ARL15: variants seen among roughly 807,000 people sequenced by gnomAD.
The protein encoded by ARL15 is ARF like GTPase 15, also known as ADP-ribosylation factor-like protein 15.
ARL15 carries 19 observed loss-of-function variants against 25.2 expected under a neutral mutation model. The ratio of observed to expected loss-of-function variants is 0.75; its 90% confidence interval spans 0.53 to 1.10. The LOEUF is 1.10. ARL15 is among the 50% of genes least tolerant of loss of function. The pLI, the probability that ARL15 is intolerant of heterozygous loss-of-function variation, is 0.00. For synonymous variants in ARL15, 94 were observed against 86.8 expected, an observed-to-expected ratio of 1.08 and a Z score of -0.46; for missense variants, 220 against 246.0, an observed-to-expected ratio of 0.89 and a Z score of 0.71.
intron 4 of ARL15, among the ~76,000 whole-genome samples, chr5:54,085,587 T>G (rs1315944232): frequency 6.6e-6 from 1 of 152,194 alleles, no homozygotes; most frequent in Non-Finnish European, 1.5e-5. Flanking sequence ...ACAAATATTT[T>G]TATTAGTATT....
intron 4 of ARL15, 36 bp from the exon 5 acceptor site, chr5:53,886,749 A>T: frequency 1.3e-5 from 20 of 1,500,748 alleles, no homozygotes; most frequent in Non-Finnish European, 1.7e-5. Flanking sequence ...TAGGTTATTA[A>T]TTATATCAGA....
chr5:54,024,204 G>C (rs1749705297), intron 4 of ARL15, among the ~76,000 whole-genome samples: 1 of 152,196 alleles, frequency 6.6e-6, no homozygotes, highest in Non-Finnish European at 1.5e-5. Context: ...TGGCTTGGTT[G>C]TTGTACTATA....
chr5:54,011,222 G>C (rs1229656351), intron 4 of ARL15, among the ~76,000 whole-genome samples: 2 of 116,598 alleles, frequency 1.7e-5, no homozygotes, highest in Non-Finnish European at 3.5e-5. Context: ...AATATATACT[G>C]TGAATATCCA....
intron 4 of ARL15, among the ~76,000 whole-genome samples, chr5:54,004,585 G>T (rs566167183): frequency 6.6e-6 from 1 of 152,022 alleles, no homozygotes; most frequent in Non-Finnish European, 1.5e-5. Context: ...CAGTGGCTTC[G>T]GTGGCAGATC....
At chr5:54,052,117 T>A (rs181960453) in intron 4 of ARL15, among the ~76,000 whole-genome samples, 217 of 152,252 alleles carry the variant, frequency 1.4e-3, no homozygotes, top group Non-Finnish European at 2.2e-4. Context: ...GTGGATGCCA[T>A]GGGTTCAGAG....
Position 54,221,825 on chromosome 5 carries a change from G to GCACACACGCACACACA in ARL15, c.49-49898_49-49897insTGTGTGTGCGTGTGTG, listed in dbSNP as rs1756380684. Reference sequence around the variant, plus strand: ...TTTTAGGTTATTTGGCAAGAAACATGCACACACACACACACACACACACAC... The same window carrying GCACACACGCACACACA: ...TTTTAGGTTATTTGGCAAGAAACATGCACACACGCACACACACACACACACACACACACACACACAC... On this transcript the variant is annotated intron_variant, in intron 1 of 4. Coordinates refer to ENST00000504924, the MANE Select transcript of ARL15 (RefSeq NM_019087.3). Among the ~76,000 whole-genome samples, 4 of 142,020 alleles carry GCACACACGCACACACA rather than the reference G, an allele frequency of 2.8e-5. No individual in the cohort carries two copies. The Admixed American group carries it at 2.8e-4, about 10-fold the overall frequency. The allele number at this position is 142,020 out of a possible 152,430, so 93.2% of individuals were successfully genotyped here. A position where few individuals can be genotyped will look rare whatever the true frequency, so the allele number is the denominator to read the frequency against.
At chr5:54,074,471 A>G (rs1207094202) in intron 4 of ARL15, among the ~76,000 whole-genome samples, 1 of 147,986 alleles carries the variant, frequency 6.8e-6, no homozygotes, top group Non-Finnish European at 1.5e-5. Flanking sequence ...GAGAAGAAGG[A>G]AGAAGAATAA....
At chr5:54,181,185 T>G (rs1326463753) in intron 1 of ARL15, among the ~76,000 whole-genome samples, 2 of 152,194 alleles carry the variant, frequency 1.3e-5, no homozygotes, top group Non-Finnish European at 2.9e-5. Flanking sequence ...ATTTTTTTCT[T>G]TTACTAGGAA....
At chr5:54,271,011 G>C (rs1421828334) in intron 1 of ARL15, among the ~76,000 whole-genome samples, 3 of 152,180 alleles carry the variant, frequency 2.0e-5, no homozygotes, top group Admixed American at 6.5e-5. Flanking sequence ...CTCATCCCCT[G>C]CCTTGGACAA....
chr5:54,298,486 C>T (rs762574489), intron 1 of ARL15, among the ~76,000 whole-genome samples: 5 of 152,156 alleles, frequency 3.3e-5, no homozygotes, highest in African/African-American at 7.2e-5. Flanking sequence ...AATGACCTCA[C>T]GTTCTACTGC....
intron 1 of ARL15, among the ~76,000 whole-genome samples, chr5:54,187,725 C>T (rs1260721103): frequency 6.6e-6 from 1 of 152,208 alleles, no homozygotes; most frequent in African/African-American, 2.4e-5. Context: ...TACATTATTA[C>T]ATGTAAGAAG....
chr5:54,244,475 G>T (rs565011688), intron 1 of ARL15, among the ~76,000 whole-genome samples: 1 of 152,006 alleles, frequency 6.6e-6, no homozygotes, highest in Admixed American at 6.6e-5. Flanking sequence ...CCTAAAACAC[G>T]GGAAGGAATT....
intron 1 of ARL15, among the ~76,000 whole-genome samples, chr5:54,209,264 A>C (rs1579913139): frequency 6.6e-6 from 1 of 152,210 alleles, no homozygotes; most frequent in East Asian, 1.9e-4. Context: ...CAATGCCTAA[A>C]CCTGAAAAAT....
intron 1 of ARL15, chr5:54,286,297 T>C (rs1758179147): frequency 6.6e-6 from 1 of 152,188 alleles, no homozygotes; most frequent in South Asian, 2.1e-4. Flanking sequence ...CTCAACATTT[T>C]CTAAAAATGT....
intron 4 of ARL15, among the ~76,000 whole-genome samples, chr5:54,061,016 G>A (rs770546177): frequency 6.6e-6 from 1 of 152,170 alleles, no homozygotes; most frequent in African/African-American, 2.4e-5. Context: ...AAGTAATGAG[G>A]AGCCAAATGT....
intron 1 of ARL15, among the ~76,000 whole-genome samples, chr5:54,209,890 T>C (rs1755987587): frequency 6.6e-6 from 1 of 152,206 alleles, no homozygotes; most frequent in Admixed American, 6.5e-5. Context: ...AAGAAAGCTA[T>C]CTTTTTCTTA....
chr5:53,990,898 G>T (rs1748468435), intron 4 of ARL15, among the ~76,000 whole-genome samples: 2 of 152,058 alleles, frequency 1.3e-5, no homozygotes, highest in Admixed American at 6.6e-5. Flanking sequence ...TTGAAATTAT[G>T]TGCTAATTAT....
intron 4 of ARL15, among the ~76,000 whole-genome samples, chr5:54,034,837 T>C (rs935937799): frequency 2.4e-4 from 37 of 151,632 alleles, no homozygotes; most frequent in Admixed American, 1.3e-4. Flanking sequence ...AATAACTTTT[T>C]TTTTTTTTAG....
chr5:54,160,971 C>T (rs928079764), intron 2 of ARL15, among the ~76,000 whole-genome samples: 3 of 151,998 alleles, frequency 2.0e-5, no homozygotes, highest in East Asian at 1.9e-4. Context: ...AAAGGTTTTA[C>T]CCATAATTCA....
Sources: gnomAD v4.1 joint callset for allele counts (sites outside exome capture counted in the v4.1 genomes callset) on GRCh38, gnomAD v4.1.1 for gene constraint, MANE v1.5 for transcripts, NCBI Gene and HGNC (gene_info 2026-07-23, HGNC 2026-07-21) for gene names.